MIR2052HG: variants seen among roughly 807,000 people sequenced by gnomAD.
MIR2052HG encodes MIR2052 host gene.
chr8:74,662,821 G>T (rs1161563263), intron 2 of MIR2052HG, among the ~76,000 whole-genome samples: 1 of 150,872 alleles, frequency 6.6e-6, no homozygotes, highest in Non-Finnish European at 1.5e-5. Context: ...AAATGAGAAG[G>T]CACTGAAAAT....
intron 1 of MIR2052HG, among the ~76,000 whole-genome samples, chr8:74,604,416 A>G (rs932080902): frequency 3.2e-4 from 23 of 71,090 alleles, no homozygotes; most frequent in South Asian, 1.3e-3. Flanking sequence ...CGGGAAGGTG[A>G]GGGGGGGCCC....
chr8:74,613,993 AC>A (rs1808240118), intron 2 of MIR2052HG, among the ~76,000 whole-genome samples: 1 of 152,198 alleles, frequency 6.6e-6, no homozygotes, highest in South Asian at 2.1e-4. Flanking sequence ...TTTATCAGGG[AC>A]TTTTTCCTGT....
At chr8:74,627,490 C>A (rs1405120953) in intron 2 of MIR2052HG, among the ~76,000 whole-genome samples, 7 of 152,050 alleles carry the variant, frequency 4.6e-5, no homozygotes, top group Admixed American at 2.0e-4. Context: ...ATACTTAATG[C>A]CTATTTGAAA....
At chr8:74,736,313 T>A (rs183903999) in intron 4 of MIR2052HG, among the ~76,000 whole-genome samples, 4 of 152,320 alleles carry the variant, frequency 2.6e-5, no homozygotes, top group Middle Eastern at 3.4e-3. Flanking sequence ...TGAATCTTTA[T>A]GTGGTGGGTA....
At chr8:74,722,740 T>A (rs1196197815) in intron 4 of MIR2052HG, among the ~76,000 whole-genome samples, 1 of 152,230 alleles carries the variant, frequency 6.6e-6, no homozygotes, top group African/African-American at 2.4e-5. Context: ...TTCATGCTGG[T>A]CAATGGTTAT....
At chr8:74,662,386 G>A (rs186572206) in intron 2 of MIR2052HG, among the ~76,000 whole-genome samples, 8 of 151,236 alleles carry the variant, frequency 5.3e-5, no homozygotes, top group Admixed American at 3.3e-4. Flanking sequence ...GGATTCTAAT[G>A]AGAACACATG....
chr8:74,750,292 A>G (rs1482177919), intron 4 of MIR2052HG, among the ~76,000 whole-genome samples: 1 of 152,228 alleles, frequency 6.6e-6, no homozygotes, highest in African/African-American at 2.4e-5. Flanking sequence ...TTACTAGCAA[A>G]TTATATTCAC....
intron 1 of MIR2052HG, chr8:74,604,358 G>T: frequency 1.9e-6 from 1 of 525,266 alleles, no homozygotes; most frequent in Non-Finnish European, 3.6e-6. Flanking sequence ...AGGGGAATGG[G>T]CTGGAAGGGG....
intron 1 of MIR2052HG, among the ~76,000 whole-genome samples, chr8:74,600,378 A>G (rs1388111176): frequency 6.6e-6 from 1 of 150,850 alleles, no homozygotes; most frequent in Non-Finnish European, 1.5e-5. Context: ...TGAGGTCAGG[A>G]GTTCGAGACT....
chr8:74,680,997 G>T (rs1391936144), intron 2 of MIR2052HG, among the ~76,000 whole-genome samples: 1 of 147,138 alleles, frequency 6.8e-6, no homozygotes, highest in Non-Finnish European at 1.5e-5. Context: ...CTCACTCACA[G>T]GTGGGAATTG....
At chr8:74,623,555 CAAT>C (rs1808395663) in intron 2 of MIR2052HG, among the ~76,000 whole-genome samples, 1 of 152,148 alleles carries the variant, frequency 6.6e-6, no homozygotes, top group Non-Finnish European at 1.5e-5. Context: ...AAAATAAATA[CAAT>C]GTCATTATTA....
At chr8:74,686,039 A>G (rs1809177516) in intron 2 of MIR2052HG, among the ~76,000 whole-genome samples, 1 of 151,900 alleles carries the variant, frequency 6.6e-6, no homozygotes, top group South Asian at 2.1e-4. Context: ...CTCTGCTTAT[A>G]CTTTGAGGAG....
intron 2 of MIR2052HG, among the ~76,000 whole-genome samples, chr8:74,679,521 CTATTAT>C (rs71565406): frequency 0.14 from 19,345 of 141,780 alleles, 1,511 homozygotes; most frequent in Middle Eastern, 0.26. Context: ...GGCTTGTTTA[CTATTAT>C]TATTATTATT....
chr8:74,654,392 T>C (rs1021664798), intron 2 of MIR2052HG, among the ~76,000 whole-genome samples: 2 of 152,140 alleles, frequency 1.3e-5, no homozygotes, highest in Non-Finnish European at 2.9e-5. Context: ...TGGGGACTGA[T>C]ATGATTTGGC....
At chr8:74,747,136 G>A (rs919299651) in intron 4 of MIR2052HG, among the ~76,000 whole-genome samples, 1 of 152,060 alleles carries the variant, frequency 6.6e-6, no homozygotes, top group Non-Finnish European at 1.5e-5. Flanking sequence ...TCCTATATTG[G>A]TGAAAACAAA....
At chr8:74,636,101 G>T (rs928188369) in intron 2 of MIR2052HG, among the ~76,000 whole-genome samples, 1 of 152,024 alleles carries the variant, frequency 6.6e-6, no homozygotes, top group Non-Finnish European at 1.5e-5. Context: ...TTTCCATGAG[G>T]GGTGAGACAC....
rs576276185 is a variant in MIR2052HG, at chr8:74,660,527, A to G, written n.217-41852A>G. ...TCCAGGATTCACCAGTTGAAAGAAA[A>G]TTACCAGTAAAATATTTTTGCCAGG... On this transcript the variant is annotated intron_variant and non_coding_transcript_variant, in intron 2 of 6. Coordinates refer to ENST00000523442, the Ensembl canonical transcript of MIR2052HG. Among the ~76,000 whole-genome samples the G allele has an allele frequency of 1.4e-4, 22 of 152,314 alleles. 1 individual carries two copies. In the East Asian group the frequency reaches 4.0e-3, roughly 28 times the overall value.
intron 2 of MIR2052HG, among the ~76,000 whole-genome samples, chr8:74,678,856 A>C (rs1809085833): frequency 6.6e-6 from 1 of 152,098 alleles, no homozygotes; most frequent in Non-Finnish European, 1.5e-5. Context: ...AAAACATATA[A>C]TTCATAGTGA....
intron 4 of MIR2052HG, among the ~76,000 whole-genome samples, chr8:74,709,797 T>C (rs1269128276): frequency 6.6e-6 from 1 of 152,210 alleles, no homozygotes; most frequent in East Asian, 1.9e-4. Flanking sequence ...AGACACATTC[T>C]TCACTTTCTG....
Sources: gnomAD v4.1 joint callset for allele counts (sites outside exome capture counted in the v4.1 genomes callset) on GRCh38, gnomAD v4.1.1 for gene constraint, MANE v1.5 for transcripts, NCBI Gene and HGNC (gene_info 2026-07-23, HGNC 2026-07-21) for gene names.